The following RGS17 variants were observed in gnomAD, a reference collection of about 807,000 sequenced individuals.
RGS17 encodes the protein regulator of G protein signaling 17.
Under a neutral mutation model 25.5 loss-of-function variants are expected in RGS17, and 12 were observed. The observed-to-expected ratio is 0.47, with a 90% CI of 0.30 to 0.76. The LOEUF (loss-of-function observed/expected upper bound fraction) is 0.76. Ranked by LOEUF, RGS17 falls within the 30% of genes least tolerant of loss-of-function variation. The pLI, the probability that RGS17 is intolerant of heterozygous loss-of-function variation, is 0.07. For synonymous variants in RGS17, 71 were observed against 76.9 expected (o/e 0.92, Z 0.40); for missense variants, 196 against 242.2 (o/e 0.81, Z 1.27).
chr6:153,044,245 C>T (rs1776359879), intron 1 of RGS17, among the ~76,000 whole-genome samples: 1 of 152,130 alleles, frequency 6.6e-6, no homozygotes, highest in Non-Finnish European at 1.5e-5. Context: ...GGAACGTCTA[C>T]CTTTATCTGC....
At position 153,130,145 on chromosome 6, in the gene RGS17, C is replaced by T. The variant is rs1365503707; in HGVS notation, c.-26+979G>A. The stretch of plus-strand genomic sequence containing the variant: ...ATCCCCTAGTCCTCCGGCATTTATT[C>T]AGGGAGACAGGGAGGCAGAGAGAAG... On this transcript the variant is annotated intron_variant, in intron 1 of 4. Coordinates refer to ENST00000206262, the MANE Select transcript of RGS17 (RefSeq NM_012419.5). The surrounding 1 kb of genome is among the most constrained non-coding windows in gnomAD (Gnocchi z 6.4). Among the ~76,000 whole-genome samples, 1 of 152,150 alleles carries T rather than the reference C, an allele frequency of 6.6e-6. No individual in the cohort carries two copies. The highest frequency in any genetic ancestry group is 1.5e-5 in the Non-Finnish European group (1 of 68,022).
At chr6:153,127,915 A>G (rs1201584623) in intron 1 of RGS17, among the ~76,000 whole-genome samples, 2 of 152,182 alleles carry the variant, frequency 1.3e-5, no homozygotes, top group African/African-American at 2.4e-5. Context: ...TTTAGGAAAA[A>G]TTATTTTACA....
chr6:153,030,166 T>G (rs1310836275), intron 2 of RGS17, among the ~76,000 whole-genome samples: 2 of 152,212 alleles, frequency 1.3e-5, no homozygotes, highest in Non-Finnish European at 2.9e-5. Context: ...ATTTGAGAAC[T>G]TAAGAAAATG....
intron 1 of RGS17, among the ~76,000 whole-genome samples, chr6:153,046,600 C>A (rs1224307156): frequency 6.6e-6 from 1 of 151,896 alleles, no homozygotes; most frequent in African/African-American, 2.4e-5. Flanking sequence ...ACACAAATAG[C>A]TATTAAAAGA....
chr6:153,091,954 C>A (rs1777139206), intron 1 of RGS17, among the ~76,000 whole-genome samples: 1 of 152,182 alleles, frequency 6.6e-6, no homozygotes, highest in Non-Finnish European at 1.5e-5. Flanking sequence ...TTAGATCAAG[C>A]CACGAGCTTT....
intron 1 of RGS17, among the ~76,000 whole-genome samples, chr6:153,113,790 C>G (rs556868161): frequency 6.6e-6 from 1 of 152,154 alleles, no homozygotes; most frequent in African/African-American, 2.4e-5. Context: ...CCAAACCGCT[C>G]AACTACATGG....
chr6:153,005,163 G>C lies in RGS17; in HGVS notation c.*6411C>G. 6.6e-6 allele frequency: 1 copy of C among 152,142 alleles called. No individual in the cohort carries two copies. The allele number at this position is 152,142 out of a possible 1,614,324, so 9.4% of individuals were successfully genotyped here. A position where few individuals can be genotyped will look rare whatever the true frequency, so the allele number is the denominator to read the frequency against. On this transcript the variant is annotated 3_prime_UTR_variant, in exon 5 of 5. Transcript: ENST00000206262. ...AAAAATGCAATAAGCAAAATGGTTA[G>C]TTTAAATTTAAATTACCTCTTATGA...
At position 153,024,512 on chromosome 6, in the gene RGS17, G is replaced by C. The variant is rs2073259; in HGVS notation, c.210-16C>G. The C allele has an allele frequency of 4.4e-6, 7 of 1,582,130 alleles. No homozygotes were observed. Among genetic ancestry groups the C allele is most frequent in the Non-Finnish European group, 6.1e-6 (7 of 1,151,532 alleles). On this transcript the variant is annotated splice_polypyrimidine_tract_variant and intron_variant, in intron 3 of 4. Transcript: ENST00000206262. ...GGGGTTTTGGCTGCAGAGACAGAAC[G>C]GGGCCGTGATCAAAGGGAACTTTGT...
intron 1 of RGS17, 66 bp downstream of exon 1, chr6:153,131,058 T>C (rs1777785884): frequency 6.6e-6 from 1 of 151,962 alleles, no homozygotes; most frequent in Admixed American, 6.6e-5. Flanking sequence ...AATCCATCCA[T>C]TGGTGCAAAG....
rs559919576 is a variant in RGS17, at chr6:153,005,909, A to C, written c.*5665T>G. The C allele has an allele frequency of 1.3e-5, 2 of 152,364 alleles. No individual in the cohort carries two copies. Among genetic ancestry groups the C allele is most frequent in the South Asian group, 4.1e-4 (2 of 4,828 alleles). The allele number at this position is 152,364 out of a possible 1,614,324, so 9.4% of individuals were successfully genotyped here. A position where few individuals can be genotyped will look rare whatever the true frequency, so the allele number is the denominator to read the frequency against. ...ATGTAATGATCAATATTGGCTCATT[A>C]ATGCCCATAGATGTATATGGGACCT... is the stretch of plus-strand genomic sequence containing the variant. On this transcript the variant is annotated 3_prime_UTR_variant, in exon 5 of 5. Transcript: ENST00000206262.
At chr6:153,053,766 T>G (rs913604921) in intron 1 of RGS17, among the ~76,000 whole-genome samples, 1 of 150,484 alleles carries the variant, frequency 6.6e-6, no homozygotes, top group Non-Finnish European at 1.5e-5. Context: ...TACTCTAGCC[T>G]GGGTGACAAA....
At chr6:153,072,624 A>G (rs976947459) in intron 1 of RGS17, among the ~76,000 whole-genome samples, 1 of 152,304 alleles carries the variant, frequency 6.6e-6, no homozygotes, top group East Asian at 1.9e-4. Flanking sequence ...AGGCAACATG[A>G]TCTAGCACAA....
intron 1 of RGS17, among the ~76,000 whole-genome samples, chr6:153,057,546 A>G (rs973618913): frequency 6.6e-6 from 1 of 152,140 alleles, no homozygotes; most frequent in Non-Finnish European, 1.5e-5. Context: ...GCGGTCCCCA[A>G]CTTTTCTGGC....
At chr6:153,039,062 C>T (rs558624240) in intron 2 of RGS17, among the ~76,000 whole-genome samples, 1 of 152,186 alleles carries the variant, frequency 6.6e-6, no homozygotes, top group South Asian at 2.1e-4. Context: ...GGCCAAATCT[C>T]GTGGGCAATA....
intron 1 of RGS17, among the ~76,000 whole-genome samples, chr6:153,122,571 A>G (rs1777647839): frequency 2.0e-5 from 3 of 152,152 alleles, no homozygotes; most frequent in Admixed American, 2.0e-4. Flanking sequence ...CTGATAAACT[A>G]GCATAGAAAT....
rs575478380 is a variant in RGS17, at chr6:153,095,585, C to T, written c.-26+35539G>A. Among the ~76,000 whole-genome samples the T allele has an allele frequency of 4.2e-4, 64 of 151,918 alleles. No homozygotes were observed. The South Asian group carries it at 0.011, about 27-fold the overall frequency. ...TTTATAGAGATATAAAATTGAATTT[C>T]GAAAACTACTTCATGGGATTCTCTA... On this transcript the variant is annotated intron_variant, in intron 1 of 4. Coordinates refer to ENST00000206262, the MANE Select transcript of RGS17 (RefSeq NM_012419.5).
rs958883474 is a variant in RGS17 at position 153,130,134 on chromosome 6, C to T, written c.-26+990G>A. On this transcript the variant is annotated intron_variant, in intron 1 of 4. Coordinates refer to ENST00000206262, the MANE Select transcript of RGS17 (RefSeq NM_012419.5). The surrounding 1 kb of genome is among the most constrained non-coding windows in gnomAD (Gnocchi z 6.4). ...GTCCCTCCGCCATCCCCTAGTCCTC[C>T]GGCATTTATTCAGGGAGACAGGGAG... Among the ~76,000 whole-genome samples the T allele has an allele frequency of 6.6e-6, 1 of 152,156 alleles. No individual in the cohort carries two copies. Among genetic ancestry groups the T allele is most frequent in the South Asian group, 2.1e-4 (1 of 4,826 alleles).
chr6:153,012,515 T>A lies in RGS17; in HGVS notation c.445-753A>T, dbSNP rs1279227237. ...TGCAATGATTTAGGATCTTCCCCCT[T>A]CCTCACTAAATGCAAATCCTCTTGG... On this transcript the variant is annotated intron_variant, in intron 4 of 4. Transcript: ENST00000206262. Among the ~76,000 whole-genome samples the A allele has an allele frequency of 2.0e-5, 3 of 152,194 alleles. No individual in the cohort carries two copies. In the East Asian group the frequency reaches 5.8e-4, roughly 29 times the overall value.
intron 1 of RGS17, among the ~76,000 whole-genome samples, chr6:153,109,659 A>C (rs77400650): frequency 6.6e-6 from 1 of 152,074 alleles, no homozygotes. Context: ...TTAGAAAAAA[A>C]CAATTTGTAA....
Sources: gnomAD v4.1 joint callset for allele counts (sites outside exome capture counted in the v4.1 genomes callset) on GRCh38, gnomAD v4.1.1 for gene constraint, Gnocchi (gnomAD v3.1) non-coding constraint, MANE v1.5 for transcripts, NCBI Gene and HGNC (gene_info 2026-07-23, HGNC 2026-07-21) for gene names.